Variants in KLF12 observed in about 807,000 individuals in gnomAD.
KLF12 encodes the protein Krueppel-like factor 12.
Under a neutral mutation model 37.8 loss-of-function variants are expected in KLF12, and 9 were observed. The observed-to-expected ratio is 0.24, with a 90% CI of 0.14 to 0.42. The LOEUF is 0.42. Among genes scored for constraint, KLF12 ranks in the 10% least tolerant of loss-of-function variants. The pLI is 1.00. For missense variants in KLF12, 411 were observed against 516.0 expected, an observed-to-expected ratio of 0.80 and a Z score of 1.97; for synonymous variants, 208 against 202.1, an observed-to-expected ratio of 1.03 and a Z score of -0.25.
the KLF12 span, among the ~76,000 whole-genome samples, chr13:74,262,247 C>T: frequency 6.6e-6 from 1 of 152,158 alleles, no homozygotes; most frequent in Non-Finnish European, 1.5e-5. Context: ...TGATCTTCAA[C>T]ACTGTGAAAG....
At chr13:74,188,203 C>T in the KLF12 span, among the ~76,000 whole-genome samples, 4 of 151,832 alleles carry the variant, frequency 2.6e-5, no homozygotes, top group Admixed American at 6.6e-5. Flanking sequence ...ATTAAGTATC[C>T]GAATTAGTGT....
the KLF12 span, among the ~76,000 whole-genome samples, chr13:74,267,252 G>A: frequency 6.6e-6 from 1 of 152,152 alleles, no homozygotes; most frequent in Non-Finnish European, 1.5e-5. Context: ...AGGAATTTGA[G>A]ACAAGATCAC....
At chr13:74,084,728 G>A (rs751800525) in intron 1 of KLF12, among the ~76,000 whole-genome samples, 1 of 152,004 alleles carries the variant, frequency 6.6e-6, no homozygotes, top group East Asian at 1.9e-4. Context: ...AATACTGTAG[G>A]TGTATTCCAA....
In KLF12 at chr13:73,691,940, A is replaced by C. The variant is rs961205131; in HGVS notation, c.*3550T>G. On this transcript the variant is annotated 3_prime_UTR_variant, in exon 8 of 8. Coordinates refer to ENST00000377669, the MANE Select transcript of KLF12 (RefSeq NM_007249.5). ...CTAATCACCTGGAACTGGCATTTGT[A>C]AACACTGTAGCATTTTGTAAGTTTT... 6.6e-6 allele frequency: 1 copy of C among 152,652 alleles called. No individual in the cohort carries two copies. The highest frequency in any genetic ancestry group is 2.4e-5 in the African/African-American group (1 of 41,472). 9.5% of individuals were successfully genotyped at this position (152,652 alleles called of 1,614,324 possible).
intron 1 of KLF12, among the ~76,000 whole-genome samples, chr13:74,023,649 C>T (rs1428790623): frequency 1.3e-5 from 2 of 152,146 alleles, no homozygotes; most frequent in African/African-American, 2.4e-5. Flanking sequence ...CTTAGAAGGA[C>T]ACAGCCATAT....
At chr13:74,232,313 C>T in the KLF12 span, among the ~76,000 whole-genome samples, 1 of 152,214 alleles carries the variant, frequency 6.6e-6, no homozygotes, top group Admixed American at 6.5e-5. Context: ...AATAGATTTT[C>T]TATTTCCAAA....
intron 2 of KLF12, among the ~76,000 whole-genome samples, chr13:73,973,230 G>T (rs9600201): frequency 0.046 from 6,924 of 152,114 alleles, 325 homozygotes; most frequent in African/African-American, 0.12. Context: ...AAATCTTAAG[G>T]TCTTTAATAA....
At chr13:74,158,044 T>G in the KLF12 span, among the ~76,000 whole-genome samples, 1 of 152,210 alleles carries the variant, frequency 6.6e-6, no homozygotes, top group Non-Finnish European at 1.5e-5. Flanking sequence ...ACCATGTTTC[T>G]CTTTAAAGTT....
chr13:74,108,211 A>C (rs1346359721), intron 1 of KLF12, among the ~76,000 whole-genome samples: 82 of 152,258 alleles, frequency 5.4e-4, no homozygotes, highest in African/African-American at 1.9e-3. Flanking sequence ...AATAGCAATA[A>C]TAATAATAAT....
chr13:74,253,857 T>C, the KLF12 span, among the ~76,000 whole-genome samples: 1 of 152,206 alleles, frequency 6.6e-6, no homozygotes, highest in African/African-American at 2.4e-5. Flanking sequence ...GTACCCAGTA[T>C]GTGAGCTCCA....
chr13:73,871,389 A>AC (rs1206540312), intron 3 of KLF12, among the ~76,000 whole-genome samples: 3 of 152,198 alleles, frequency 2.0e-5, no homozygotes, highest in African/African-American at 7.2e-5. Context: ...TGAAATACTT[A>AC]GAGTGGTTCG....
chr13:74,099,265 T>C (rs1876165866), intron 1 of KLF12, among the ~76,000 whole-genome samples: 1 of 152,114 alleles, frequency 6.6e-6, no homozygotes, highest in Admixed American at 6.5e-5. Flanking sequence ...GAAGATCACC[T>C]GAGCCCAGCA....
the KLF12 span, among the ~76,000 whole-genome samples, chr13:74,185,389 C>T: frequency 6.6e-6 from 1 of 152,176 alleles, no homozygotes; most frequent in African/African-American, 2.4e-5. Context: ...CATACGGTAA[C>T]TCGTTCATCA....
At chr13:73,766,820 G>C (rs1879946818) in intron 5 of KLF12, among the ~76,000 whole-genome samples, 1 of 152,154 alleles carries the variant, frequency 6.6e-6, no homozygotes, top group Admixed American at 6.6e-5. Context: ...GCATATATTA[G>C]TGAAGAAAAA....
intron 1 of KLF12, among the ~76,000 whole-genome samples, chr13:74,065,704 A>T (rs1457956801): frequency 6.6e-6 from 1 of 152,056 alleles, no homozygotes; most frequent in Non-Finnish European, 1.5e-5. Flanking sequence ...GAAGCAGTGT[A>T]GGAGTGACGT....
chr13:74,270,184 G>A, the KLF12 span, among the ~76,000 whole-genome samples: 1,550 of 152,116 alleles, frequency 0.01, 13 homozygotes, highest in Non-Finnish European at 0.016. Flanking sequence ...TTCATGATGA[G>A]CCGTTCAGAT....
chr13:74,044,074 A>G (rs1300067830), intron 1 of KLF12, among the ~76,000 whole-genome samples: 1 of 152,248 alleles, frequency 6.6e-6, no homozygotes, highest in African/African-American at 2.4e-5. Flanking sequence ...CCTTGCCCTT[A>G]GATGAATGAT....
At chr13:73,899,231 G>T (rs1887928444) in intron 3 of KLF12, among the ~76,000 whole-genome samples, 1 of 152,140 alleles carries the variant, frequency 6.6e-6, no homozygotes, top group Admixed American at 6.5e-5. Context: ...TGATCTATAT[G>T]GGAAACACCA....
At chr13:74,018,463 A>G (rs1299751864) in intron 1 of KLF12, among the ~76,000 whole-genome samples, 25 of 152,360 alleles carry the variant, frequency 1.6e-4, no homozygotes, top group East Asian at 9.6e-4. Flanking sequence ...TCCAAAAAAC[A>G]GTAACTATGT....
Sources: gnomAD v4.1 joint callset for allele counts (sites outside exome capture counted in the v4.1 genomes callset) on GRCh38, gnomAD v4.1.1 for gene constraint, MANE v1.5 for transcripts, NCBI Gene and HGNC (gene_info 2026-07-23, HGNC 2026-07-21) for gene names.